Variants in RFTN1 observed in about 807,000 individuals in gnomAD.
RFTN1 encodes the protein raftlin, lipid raft linker 1, also known as raftlin.
A neutral mutation model predicts 46.5 loss-of-function variants in RFTN1; 26 were observed. That is an observed-to-expected ratio of 0.56 (90% CI 0.41 to 0.78). The LOEUF (loss-of-function observed/expected upper bound fraction) is 0.78, where lower values mean the gene tolerates loss of function less well. Among genes scored for constraint, RFTN1 ranks in the 30% least tolerant of loss-of-function variants. The pLI, the probability that RFTN1 is intolerant of heterozygous loss-of-function variation, is 0.00. For synonymous variants in RFTN1, 261 were observed against 284.2 expected, an observed-to-expected ratio of 0.92 and a Z score of 0.82; for missense variants, 693 against 718.7, an observed-to-expected ratio of 0.96 and a Z score of 0.41.
chr3:16,471,558 G>A (rs2076196364), intron 2 of RFTN1, among the ~76,000 whole-genome samples: 1 of 152,224 alleles, frequency 6.6e-6, no homozygotes, highest in African/African-American at 2.4e-5. Context: ...GGGAGAGAAG[G>A]AAACTTGCCC....
Position 16,402,753 on chromosome 3 carries a change from C to CATAAGTAGCA in RFTN1, c.441+6612_441+6621dup, listed in dbSNP as rs1325824544. ...TCAAGGTGCTTTCTTTAGGTTGAGG[C>CATAAGTAGCA]ATAAGTAGCATCATTCGGTTTTCTG... On this transcript the variant is annotated intron_variant, in intron 4 of 9. Coordinates refer to ENST00000334133, the MANE Select transcript of RFTN1 (RefSeq NM_015150.2). The surrounding 1 kb of genome is among the most constrained non-coding windows in gnomAD (Gnocchi z 4.5). Among the ~76,000 whole-genome samples the CATAAGTAGCA allele has an allele frequency of 1.3e-5, 2 of 152,132 alleles. No individual in the cohort carries two copies. Among genetic ancestry groups the CATAAGTAGCA allele is most frequent in the Non-Finnish European group, 2.9e-5 (2 of 68,020 alleles).
rs73146231 is a variant in RFTN1 at position 16,468,812 on chromosome 3, T to A, written c.145+24913A>T. 4.7e-3 allele frequency among the ~76,000 whole-genome samples: 723 copies of A among 152,262 alleles called. 7 individuals carry two copies. Among genetic ancestry groups the A allele is most frequent in the African/African-American group, 0.016 (677 of 41,542 alleles). On this transcript the variant is annotated intron_variant, in intron 2 of 9. Transcript: ENST00000334133. This position sits in a 1 kb window ranked among gnomAD's most constrained non-coding sequence, Gnocchi z 4.4. ...GCCCCAGTACAATGGAGCAATTAAATCTTTATAACTGAGACAAAAAAAATG... is the reference window on the plus strand; with the variant it reads ...GCCCCAGTACAATGGAGCAATTAAAACTTTATAACTGAGACAAAAAAAATG...
chr3:16,391,857 G>GGTTTTTTTTT, intron 4 of RFTN1, among the ~76,000 whole-genome samples: 1 of 110,082 alleles, frequency 9.1e-6, no homozygotes, highest in African/African-American at 3.1e-5. Context: ...CTAGTGCAAA[G>GGTTTTTTTTT]GTTTTTTTTT....
intron 3 of RFTN1, among the ~76,000 whole-genome samples, chr3:16,414,248 G>GAC (rs1315423618): frequency 6.7e-6 from 1 of 149,470 alleles, no homozygotes; most frequent in African/African-American, 2.5e-5. Flanking sequence ...ATAAGCAATA[G>GAC]ACATGCATGA....
Position 16,341,531 on chromosome 3 carries a change from G to A in RFTN1, c.1147-14655C>T, listed in dbSNP as rs1014016502. On this transcript the variant is annotated intron_variant, in intron 7 of 9. Coordinates refer to ENST00000334133, the MANE Select transcript of RFTN1 (RefSeq NM_015150.2). The surrounding 1 kb of genome is among the most constrained non-coding windows in gnomAD (Gnocchi z 4.7). ...AAATCCATATTACTAAGTGAAAGAA[G>A]CCAACTGGAAAAGGCTACATACTGT... Among the ~76,000 whole-genome samples the A allele has an allele frequency of 1.3e-4, 20 of 152,268 alleles. No individual in the cohort carries two copies. Among genetic ancestry groups the A allele is most frequent in the African/African-American group, 4.8e-4 (20 of 41,552 alleles).
At position 16,506,422 on chromosome 3, in the gene RFTN1, T is replaced by C. The variant is rs189762581; in HGVS notation, c.-9+7020A>G. 2.3e-3 allele frequency among the ~76,000 whole-genome samples: 345 copies of C among 152,106 alleles called. 3 individuals are homozygous for C. Among genetic ancestry groups the C allele is most frequent in the African/African-American group, 7.9e-3 (328 of 41,482 alleles). On this transcript the variant is annotated intron_variant, in intron 1 of 9. Coordinates refer to ENST00000334133, the MANE Select transcript of RFTN1 (RefSeq NM_015150.2). The surrounding 1 kb of genome is among the most constrained non-coding windows in gnomAD (Gnocchi z 4.8). ...GAAGGTTTCGAGCTGAAAGAAGACA[T>C]CAATTACTCTGGCCATGACTGACCA...
In RFTN1 at chr3:16,410,289, ATTGG is replaced by A. The variant is rs1315958341; in HGVS notation, c.333-810_333-807del. ...CTCACTCCAGTAATGTCTATGTCCCATTGGTTTATATCCGCCAGGGCACAGAAAA... is the reference window on the plus strand; with the variant it reads ...CTCACTCCAGTAATGTCTATGTCCCATTTATATCCGCCAGGGCACAGAAAA... On this transcript the variant is annotated intron_variant, in intron 3 of 9. Transcript: ENST00000334133. The surrounding 1 kb of genome is among the most constrained non-coding windows in gnomAD (Gnocchi z 4.6). Among the ~76,000 whole-genome samples the A allele has an allele frequency of 6.6e-6, 1 of 150,900 alleles. No homozygotes were observed. Among genetic ancestry groups the A allele is most frequent in the Non-Finnish European group, 1.5e-5 (1 of 67,864 alleles).
intron 2 of RFTN1, among the ~76,000 whole-genome samples, chr3:16,434,313 G>A (rs370530902): frequency 1.3e-5 from 2 of 152,016 alleles, no homozygotes; most frequent in Non-Finnish European, 2.9e-5. Context: ...CGCTTGAGCC[G>A]AGAAGTTTGA....
At chr3:16,414,295 GA>G (rs199935896) in intron 3 of RFTN1, among the ~76,000 whole-genome samples, 1,392 of 124,992 alleles carry the variant, frequency 0.011, 18 homozygotes, top group African/African-American at 0.037. Context: ...GGGAAGTCTT[GA>G]AAAAAAAAAA....
intron 2 of RFTN1, among the ~76,000 whole-genome samples, chr3:16,485,033 C>G (rs2076425136): frequency 6.6e-6 from 1 of 152,204 alleles, no homozygotes; most frequent in East Asian, 1.9e-4. Flanking sequence ...TAAAATAGAA[C>G]AAACACTTTG....
In RFTN1 at chr3:16,370,336, T is replaced by G. The variant is rs917379781; in HGVS notation, c.827-57A>C. ...AAGAGGTCAACTGATGATAAAAATC[T>G]GTTTCATCGGCTTAAGTGGAATCTC... On this transcript the variant is annotated intron_variant, in intron 5 of 9. Transcript: ENST00000334133. The surrounding 1 kb of genome is among the most constrained non-coding windows in gnomAD (Gnocchi z 5.5). 2.6e-6 allele frequency: 4 copies of G among 1,535,968 alleles called. No individual in the cohort carries two copies. The African/African-American group carries it at 4.1e-5, about 16-fold the overall frequency.
intron 5 of RFTN1, 40 bp downstream of exon 5, chr3:16,377,678 T>C (rs1378834227): frequency 7.8e-6 from 12 of 1,534,202 alleles, no homozygotes; most frequent in East Asian, 6.8e-5. Flanking sequence ...TGTTAGCTGC[T>C]CTTTAAGTGG....
chr3:16,501,483 T>G (rs1397602745), intron 1 of RFTN1, among the ~76,000 whole-genome samples: 1 of 152,248 alleles, frequency 6.6e-6, no homozygotes, highest in East Asian at 1.9e-4. Context: ...ACAAATTAGC[T>G]TCATTAAGAG....
At position 16,460,205 on chromosome 3, in the gene RFTN1, A is replaced by C. The variant is rs958763613; in HGVS notation, c.146-26168T>G. Among the ~76,000 whole-genome samples, 4 of 152,064 alleles carry C rather than the reference A, an allele frequency of 2.6e-5. No individual in the cohort carries two copies. Among genetic ancestry groups the C allele is most frequent in the Admixed American group, 2.6e-4 (4 of 15,270 alleles). On this transcript the variant is annotated intron_variant, in intron 2 of 9. Transcript: ENST00000334133. This position sits in a 1 kb window ranked among gnomAD's most constrained non-coding sequence, Gnocchi z 4.8. ...GAAGTGTCTCAATTTCTCTTTTTCC[A>C]CCGTGATTTTTATCTATTGTGTTAT...
At position 16,418,014 on chromosome 3, in the gene RFTN1, A is replaced by G. The variant is rs1320558512; in HGVS notation, c.333-8531T>C. Reference sequence around the variant, plus strand: ...GAGCAACCATGCCCGGCCTTGTCTGACCCATTTAAACAGCCCCTCACTCTG... The same window carrying G: ...GAGCAACCATGCCCGGCCTTGTCTGGCCCATTTAAACAGCCCCTCACTCTG... On this transcript the variant is annotated intron_variant, in intron 3 of 9. Transcript: ENST00000334133. The surrounding 1 kb of genome is among the most constrained non-coding windows in gnomAD (Gnocchi z 5.0). 6.6e-6 allele frequency among the ~76,000 whole-genome samples: 1 copy of G among 152,126 alleles called. No individual in the cohort carries two copies. Among genetic ancestry groups the G allele is most frequent in the East Asian group, 1.9e-4 (1 of 5,188 alleles).
At chr3:16,319,484 C>A (rs1355976621) in intron 9 of RFTN1, among the ~76,000 whole-genome samples, 1 of 152,184 alleles carries the variant, frequency 6.6e-6, no homozygotes, top group African/African-American at 2.4e-5. Context: ...ACCTCCAGGG[C>A]CCCATTCATA....
Position 16,374,886 on chromosome 3 carries a change from G to A in RFTN1, c.826+2832C>T, listed in dbSNP as rs1211346884. 8.5e-5 allele frequency among the ~76,000 whole-genome samples: 13 copies of A among 152,150 alleles called. 1 individual carries two copies. Among genetic ancestry groups the A allele is most frequent in the South Asian group, 4.1e-4 (2 of 4,824 alleles). On this transcript the variant is annotated intron_variant, in intron 5 of 9. Coordinates refer to ENST00000334133, the MANE Select transcript of RFTN1 (RefSeq NM_015150.2). This position sits in a 1 kb window ranked among gnomAD's most constrained non-coding sequence, Gnocchi z 5.4. The stretch of plus-strand genomic sequence containing the variant: ...CAAGAACCTGCAGGGGCAAGGAGGC[G>A]TGACGGCTGCACCGAGCCCGCAGAG...
Position 16,345,425 on chromosome 3 carries a change from T to C in RFTN1, c.1146+12507A>G, listed in dbSNP as rs989060197. Among the ~76,000 whole-genome samples the C allele has an allele frequency of 6.6e-6, 1 of 152,192 alleles. No homozygotes were observed. The highest frequency in any genetic ancestry group is 2.4e-5 in the African/African-American group (1 of 41,436). ...CCACAGGATGCATAAACATTATTTT[T>C]GGGCATGTTGTGAGGGTGTTTCTGG... is the stretch of plus-strand genomic sequence containing the variant. On this transcript the variant is annotated intron_variant, in intron 7 of 9. Transcript: ENST00000334133. The surrounding 1 kb of genome is among the most constrained non-coding windows in gnomAD (Gnocchi z 5.2).
At position 16,475,651 on chromosome 3, in the gene RFTN1, T is replaced by C. The variant is rs1365536186; in HGVS notation, c.145+18074A>G. 1.3e-5 allele frequency among the ~76,000 whole-genome samples: 2 copies of C among 151,554 alleles called. No individual in the cohort carries two copies. Among genetic ancestry groups the C allele is most frequent in the African/African-American group, 2.4e-5 (1 of 41,154 alleles). On this transcript the variant is annotated intron_variant, in intron 2 of 9. Transcript: ENST00000334133. The surrounding 1 kb of genome is among the most constrained non-coding windows in gnomAD (Gnocchi z 4.2). The stretch of plus-strand genomic sequence containing the variant: ...CTCTTGGTACTTCCATGTCCAAGAG[T>C]AAAAATCAATGGAAAACTAAAGCAA...
Sources: gnomAD v4.1 joint callset for allele counts (sites outside exome capture counted in the v4.1 genomes callset) on GRCh38, gnomAD v4.1.1 for gene constraint, Gnocchi (gnomAD v3.1) non-coding constraint, MANE v1.5 for transcripts, NCBI Gene and HGNC (gene_info 2026-07-23, HGNC 2026-07-21) for gene names.